The following CTNNA2 variants were observed in gnomAD, a reference collection of about 807,000 sequenced individuals.
CTNNA2 encodes catenin alpha 2.
Under a neutral mutation model 101.0 loss-of-function variants are expected in CTNNA2, and 42 were observed. The observed-to-expected ratio is 0.42, with a 90% CI of 0.32 to 0.54. The LOEUF is 0.54. Among genes scored for constraint, CTNNA2 ranks in the 20% least tolerant of loss-of-function variants. The pLI is 0.14. For synonymous variants in CTNNA2, 450 were observed against 456.4 expected, an observed-to-expected ratio of 0.99 and a Z score of 0.18; for missense variants, 871 against 1,223.1, an observed-to-expected ratio of 0.71 and a Z score of 4.29.
At chr2:80,146,935 T>TTTTATTTA (rs71386614) in intron 7 of CTNNA2, among the ~76,000 whole-genome samples, 8,881 of 131,422 alleles carry the variant, frequency 0.068, 430 homozygotes, top group Non-Finnish European at 0.087. Context: ...GTATTTTGTA[T>TTTTATTTA]TTTATTTATT....
chr2:79,287,827 G>A (rs200541284), intron 2 of CTNNA2, among the ~76,000 whole-genome samples: 2 of 152,212 alleles, frequency 1.3e-5, no homozygotes, highest in Admixed American at 6.5e-5. Context: ...CTGGGCAATG[G>A]CGGGCGCCCC....
At chr2:79,231,266 T>A (rs982460156) in intron 2 of CTNNA2, among the ~76,000 whole-genome samples, 1 of 152,194 alleles carries the variant, frequency 6.6e-6, no homozygotes, top group African/African-American at 2.4e-5. Flanking sequence ...GGGGGGTAAC[T>A]GAATCATGGA....
At chr2:79,522,190 T>A (rs184893511) in intron 1 of CTNNA2, among the ~76,000 whole-genome samples, 2 of 152,320 alleles carry the variant, frequency 1.3e-5, no homozygotes, top group African/African-American at 4.8e-5. Context: ...TTTCTAGTAT[T>A]CTCCTGTGTC....
intron 3 of CTNNA2, among the ~76,000 whole-genome samples, chr2:79,785,604 T>C (rs1158351519): frequency 6.6e-6 from 1 of 152,162 alleles, no homozygotes; most frequent in Non-Finnish European, 1.5e-5. Context: ...AATTTGTTAT[T>C]ATCTGTTATT....
chr2:79,484,050 C>T (rs2104558530), intron 4 of CTNNA2, among the ~76,000 whole-genome samples: 1 of 152,136 alleles, frequency 6.6e-6, no homozygotes, highest in East Asian at 1.9e-4. Flanking sequence ...CAAGATCAGC[C>T]TGGGCCACGA....
intron 7 of CTNNA2, among the ~76,000 whole-genome samples, chr2:80,038,891 C>T (rs1378245904): frequency 6.6e-6 from 1 of 152,098 alleles, no homozygotes; most frequent in Non-Finnish European, 1.5e-5. Context: ...AATGTGAATT[C>T]TGTATCACTT....
At chr2:80,623,110 G>A (rs1019290140) in intron 18 of CTNNA2, among the ~76,000 whole-genome samples, 4 of 145,244 alleles carry the variant, frequency 2.8e-5, no homozygotes, top group Admixed American at 2.1e-4. Context: ...AGAGAAAAAT[G>A]ATGAGGATGA....
intron 4 of CTNNA2, among the ~76,000 whole-genome samples, chr2:79,435,851 A>G (rs958898418): frequency 1.3e-5 from 2 of 152,186 alleles, no homozygotes; most frequent in Non-Finnish European, 2.9e-5. Context: ...AACTGAGAAC[A>G]TAATCACTAA....
chr2:79,470,941 C>A (rs1484013397), intron 4 of CTNNA2, among the ~76,000 whole-genome samples: 1 of 152,238 alleles, frequency 6.6e-6, no homozygotes, highest in Admixed American at 6.5e-5. Flanking sequence ...TGAAATACAA[C>A]CATATATTTT....
intron 4 of CTNNA2, among the ~76,000 whole-genome samples, chr2:79,385,171 G>A (rs1678083864): frequency 6.6e-6 from 1 of 152,180 alleles, no homozygotes; most frequent in South Asian, 2.1e-4. Flanking sequence ...AAAATTGAGT[G>A]TCTAGTGTAT....
At chr2:79,448,544 C>G (rs1477645499) in intron 4 of CTNNA2, among the ~76,000 whole-genome samples, 1 of 151,954 alleles carries the variant, frequency 6.6e-6, no homozygotes, top group Non-Finnish European at 1.5e-5. Flanking sequence ...TTTAGACCTC[C>G]AGTATGGCTC....
intron 7 of CTNNA2, among the ~76,000 whole-genome samples, chr2:79,957,962 T>G (rs1689360549): frequency 6.6e-6 from 1 of 152,328 alleles, no homozygotes; most frequent in Middle Eastern, 3.4e-3. Flanking sequence ...TTAAAGACAG[T>G]GGCATTTGCA....
chr2:80,249,669 G>C (rs1364143452), intron 7 of CTNNA2, among the ~76,000 whole-genome samples: 1 of 152,164 alleles, frequency 6.6e-6, no homozygotes, highest in Non-Finnish European at 1.5e-5. Flanking sequence ...CTCAAGTCCT[G>C]TTCTGCGGGA....
At chr2:80,417,311 T>C (rs1462749604) in intron 8 of CTNNA2, among the ~76,000 whole-genome samples, 1 of 151,612 alleles carries the variant, frequency 6.6e-6, no homozygotes, top group Non-Finnish European at 1.5e-5. Context: ...AAATATACAG[T>C]ATTAGAATAT....
chr2:80,563,049 A>C (rs1200468246), intron 12 of CTNNA2, among the ~76,000 whole-genome samples: 10 of 115,184 alleles, frequency 8.7e-5, no homozygotes, highest in African/African-American at 4.1e-4. Flanking sequence ...AAGTACAACC[A>C]AAAAAAAAAA....
chr2:79,630,314 G>A (rs1335434878), intron 1 of CTNNA2, among the ~76,000 whole-genome samples: 2 of 152,274 alleles, frequency 1.3e-5, no homozygotes, highest in Admixed American at 6.5e-5. Flanking sequence ...TGGCACTGAC[G>A]TCTTTGTGTT....
At position 80,385,680 on chromosome 2, in the gene CTNNA2, C is replaced by A. The variant is rs375389951; in HGVS notation, c.1057-7531C>A. Among the ~76,000 whole-genome samples, 11 of 152,168 alleles carry A rather than the reference C, an allele frequency of 7.2e-5. No individual in the cohort carries two copies. In the South Asian group the frequency reaches 2.3e-3, roughly 32 times the overall value. On this transcript the variant is annotated intron_variant, in intron 7 of 18. Coordinates refer to ENST00000402739, the MANE Select transcript of CTNNA2 (RefSeq NM_001282597.3). ...TCTCCAATTCTTCATCCCTTTCTTGCCGCAGTTTCTCTCATCATCTCTCCC... is the reference window on the plus strand; with the variant it reads ...TCTCCAATTCTTCATCCCTTTCTTGACGCAGTTTCTCTCATCATCTCTCCC...
intron 4 of CTNNA2, among the ~76,000 whole-genome samples, chr2:79,463,177 C>T (rs137868054): frequency 4.6e-5 from 7 of 151,856 alleles, no homozygotes; most frequent in African/African-American, 9.7e-5. Context: ...TTTGGGAGGC[C>T]GAGGCAGGAG....
chr2:80,213,932 C>G (rs1316695823), intron 7 of CTNNA2, among the ~76,000 whole-genome samples: 2 of 152,174 alleles, frequency 1.3e-5, no homozygotes, highest in East Asian at 3.9e-4. Flanking sequence ...GGATAGTTAG[C>G]TCTTTTTGTT....
Sources: allele counts gnomAD v4.1 joint callset (sites outside exome capture counted in the v4.1 genomes callset), GRCh38; gene constraint gnomAD v4.1.1; transcripts MANE v1.5; gene names NCBI Gene and HGNC (gene_info 2026-07-23, HGNC 2026-07-21).